The following TSBP1 variants were observed in gnomAD, a reference collection of about 807,000 sequenced individuals.
TSBP1 encodes the protein testis expressed basic protein 1.
TSBP1 carries 56 observed loss-of-function variants against 68.8 expected under a neutral mutation model. The ratio of observed to expected loss-of-function variants is 0.81; its 90% confidence interval spans 0.66 to 1.02. The LOEUF is 1.02. Among genes scored for constraint, TSBP1 ranks in the 50% least tolerant of loss-of-function variants. The pLI is 0.00. For synonymous variants in TSBP1, 171 were observed against 208.7 expected (o/e 0.82, Z 1.56); for missense variants, 502 against 641.2 (o/e 0.78, Z 2.34).
intron 7 of TSBP1, 57 bp from the exon 8 acceptor site, chr6:32,355,201 T>C: frequency 1.3e-6 from 2 of 1,560,054 alleles, no homozygotes; most frequent in Non-Finnish European, 1.8e-6. Flanking sequence ...ATCCCTAATC[T>C]TTACATATCA....
rs58539449 is a variant in TSBP1, at chr6:32,347,821, A to G, written c.349+1919T>C. Reference sequence around the variant, plus strand: ...TGCTACTCTTCTTCCCCTCTCAGGAACTTGGTGTTCTTTCTGCCTGAGATA... The same window carrying G: ...TGCTACTCTTCTTCCCCTCTCAGGAGCTTGGTGTTCTTTCTGCCTGAGATA... On this transcript the variant is annotated intron_variant, in intron 9 of 22. Transcript: ENST00000612031. 9.0e-3 allele frequency among the ~76,000 whole-genome samples: 1,370 copies of G among 152,200 alleles called. 18 individuals carry two copies. The highest frequency in any genetic ancestry group is 0.03 in the African/African-American group (1,266 of 41,516).
In TSBP1 at chr6:32,325,338, C is replaced by G; in HGVS notation, c.515-1724G>C. ...GCCATTTTGAGCAGTGAGGGACACT[C>G]CCGGACAGTGTGGTCATGAGAGATC... On this transcript the variant is annotated intron_variant, in intron 16 of 22. Transcript: ENST00000612031. This position sits in a 1 kb window ranked among gnomAD's most constrained non-coding sequence, Gnocchi z 4.4. 4 of 1,089,368 alleles carry G rather than the reference C, an allele frequency of 3.7e-6. No individual in the cohort carries two copies. The highest frequency in any genetic ancestry group is 4.2e-6 in the Non-Finnish European group (3 of 719,180). The allele number at this position is 1,089,368 out of a possible 1,614,324, so 67.5% of individuals were successfully genotyped here. A position where few individuals can be genotyped will look rare whatever the true frequency, so the allele number is the denominator to read the frequency against.
chr6:32,345,251 T>A (rs923926124), intron 9 of TSBP1, among the ~76,000 whole-genome samples: 1 of 151,912 alleles, frequency 6.6e-6, no homozygotes, highest in African/African-American at 2.4e-5. Context: ...CCCTATGTGC[T>A]CCCTTCTTAT....
chr6:32,355,490 C>T (rs965727427), intron 7 of TSBP1, among the ~76,000 whole-genome samples, 159 bp downstream of exon 7: 1 of 152,040 alleles, frequency 6.6e-6, no homozygotes, highest in Non-Finnish European at 1.5e-5. Flanking sequence ...TTCTCCCAGC[C>T]AGATCATTCT....
intron 10 of TSBP1, chr6:32,339,392 C>T (rs548674798): frequency 1.5e-6 from 1 of 669,030 alleles, no homozygotes; most frequent in Non-Finnish European, 2.8e-6. Context: ...AAAGAGAGAA[C>T]AGTAAAATTG....
chr6:32,360,536 G>C (rs1389598581), intron 6 of TSBP1, among the ~76,000 whole-genome samples: 1 of 152,128 alleles, frequency 6.6e-6, no homozygotes, highest in Non-Finnish European at 1.5e-5. Context: ...TCAGGATAAT[G>C]ATTTTTATTT....
At chr6:32,351,095 G>A (rs2127631768) in intron 8 of TSBP1, among the ~76,000 whole-genome samples, 1 of 152,214 alleles carries the variant, frequency 6.6e-6, no homozygotes, top group East Asian at 1.9e-4. Context: ...TAAGTTTGTG[G>A]TAATTTGTTA....
chr6:32,367,497 G>C (rs1773888709), intron 4 of TSBP1, among the ~76,000 whole-genome samples: 1 of 152,146 alleles, frequency 6.6e-6, no homozygotes, highest in Admixed American at 6.5e-5. Context: ...AGGTGAACTT[G>C]AGTAAGTCTC....
Position 32,337,348 on chromosome 6 carries a change from C to T in TSBP1, c.410-713G>A, listed in dbSNP as rs973037. On this transcript the variant is annotated intron_variant, in intron 11 of 22. Transcript: ENST00000612031. The surrounding 1 kb of genome is among the most constrained non-coding windows in gnomAD (Gnocchi z 5.5). ...TGGAGACGCACATTTGGTCAGGCAG[C>T]GTTCCTTCCCCTTTCCCCACGGGTG... 0.34 allele frequency among the ~76,000 whole-genome samples: 51,168 copies of T among 151,976 alleles called. 9,678 individuals are homozygous for T. Among genetic ancestry groups the T allele is most frequent in the Middle Eastern group, 0.52 (153 of 294 alleles).
At chr6:32,334,967 G>T (rs1033244671) in intron 14 of TSBP1, among the ~76,000 whole-genome samples, 2 of 152,146 alleles carry the variant, frequency 1.3e-5, no homozygotes, top group African/African-American at 4.8e-5. Context: ...CCACGAGGTG[G>T]AGCTTGCAGT....
In TSBP1 at chr6:32,322,475, A is replaced by G. The variant is rs1461027800; in HGVS notation, c.559+642T>C. The G allele has an allele frequency of 6.3e-7, 1 of 1,597,328 alleles. No individual in the cohort carries two copies. Among genetic ancestry groups the G allele is most frequent in the Admixed American group, 1.7e-5 (1 of 59,864 alleles). On this transcript the variant is annotated intron_variant, in intron 18 of 22. Transcript: ENST00000612031. ...CCCCACATATGACCAGCTGAGAAGT[A>G]GAGTACTTACTTGCGGTTCTCTGTG...
chr6:32,329,515 A>C (rs1478906782), intron 16 of TSBP1, among the ~76,000 whole-genome samples: 2 of 152,240 alleles, frequency 1.3e-5, no homozygotes. Flanking sequence ...AGTTAGAACC[A>C]GAATTCAGGG....
At chr6:32,356,514 G>T (rs1408307663) in intron 6 of TSBP1, among the ~76,000 whole-genome samples, 3 of 152,190 alleles carry the variant, frequency 2.0e-5, no homozygotes, top group Admixed American at 6.5e-5. Context: ...GAGGTCAGGA[G>T]TTCGAGACCA....
In TSBP1 at chr6:32,325,420, TG is replaced by T; in HGVS notation, c.515-1807del. 1 of 928,590 alleles carries T rather than the reference TG, an allele frequency of 1.1e-6. No homozygotes were observed. The highest frequency in any genetic ancestry group is 1.8e-6 in the Non-Finnish European group (1 of 571,026). The allele number at this position is 928,590 out of a possible 1,614,324, so 57.5% of individuals were successfully genotyped here. A position where few individuals can be genotyped will look rare whatever the true frequency, so the allele number is the denominator to read the frequency against. On this transcript the variant is annotated intron_variant, in intron 16 of 22. Transcript: ENST00000612031. This position sits in a 1 kb window ranked among gnomAD's most constrained non-coding sequence, Gnocchi z 4.4. ...TTCACATATGCCACTGTGGAGGAGG[TG>T]GATGCAGCCGTGAATGCAAGGCCAC...
At position 32,339,535 on chromosome 6, in the gene TSBP1, A is replaced by G. The variant is rs140324304; in HGVS notation, c.388+65T>C. 7.1e-3 allele frequency: 6,219 copies of G among 870,952 alleles called. 85 individuals carry two copies. The Middle Eastern group carries it at 0.096, about 13-fold the overall frequency. The allele number at this position is 870,952 out of a possible 1,614,324, so 54.0% of individuals were successfully genotyped here. ...TGTATCAAAATATCACATGTATCCC[A>G]TAAATTTGTACAATTATTAGGTGTC... On this transcript the variant is annotated intron_variant, in intron 10 of 22. Transcript: ENST00000612031.
At position 32,306,691 on chromosome 6, in the gene TSBP1, T is replaced by C. The variant is rs1423143375; in HGVS notation, c.581-4062A>G. ...TTGCAGTGCTAAATGGAACTATTAT[T>C]CAATTTAAGAACATATAAAGCAAGT... On this transcript the variant is annotated intron_variant, in intron 19 of 22. Coordinates refer to ENST00000612031, the Ensembl canonical transcript of TSBP1. This position sits in a 1 kb window ranked among gnomAD's most constrained non-coding sequence, Gnocchi z 5.1. Among the ~76,000 whole-genome samples the C allele has an allele frequency of 2.0e-5, 3 of 152,218 alleles. No individual in the cohort carries two copies. Among genetic ancestry groups the C allele is most frequent in the Non-Finnish European group, 4.4e-5 (3 of 68,038 alleles).
chr6:32,334,284 A>C (rs753472156), intron 14 of TSBP1, among the ~76,000 whole-genome samples: 1 of 151,728 alleles, frequency 6.6e-6, no homozygotes, highest in African/African-American at 2.4e-5. Flanking sequence ...TCTCCTATTT[A>C]TCTCTCTCTA....
At position 32,305,716 on chromosome 6, in the gene TSBP1, G is replaced by A. The variant is rs150647708; in HGVS notation, c.581-3087C>T. ...TTGCCATGTTGGCCAGGCTGGTCTC[G>A]AACTCCTGACCTCAGGCAATCCTCC... On this transcript the variant is annotated intron_variant, in intron 19 of 22. Coordinates refer to ENST00000612031, the Ensembl canonical transcript of TSBP1. Among the ~76,000 whole-genome samples the A allele has an allele frequency of 3.2e-3, 492 of 152,236 alleles. 15 individuals carry two copies. The East Asian group carries it at 0.069, about 21-fold the overall frequency.
chr6:32,316,547 C>T lies in TSBP1; in HGVS notation c.560-755G>A. The T allele has an allele frequency of 1.4e-6, 1 of 711,568 alleles. No homozygotes were observed. Among genetic ancestry groups the T allele is most frequent in the South Asian group, 1.8e-5 (1 of 54,546 alleles). 44.1% of individuals were successfully genotyped at this position (711,568 alleles called of 1,614,324 possible). On this transcript the variant is annotated intron_variant, in intron 18 of 22. Coordinates refer to ENST00000612031, the Ensembl canonical transcript of TSBP1. The surrounding 1 kb of genome is among the most constrained non-coding windows in gnomAD (Gnocchi z 4.5). ...ACAATGGCTAATTCTCTGTTAAAAG[C>T]TCCAATTCTTTATGACTGCATTCTT...
Sources: allele counts gnomAD v4.1 joint callset (sites outside exome capture counted in the v4.1 genomes callset), GRCh38; gene constraint gnomAD v4.1.1; non-coding constraint Gnocchi (gnomAD v3.1); transcripts MANE v1.5; gene names NCBI Gene and HGNC (gene_info 2026-07-23, HGNC 2026-07-21).